C1orf159: variants seen among roughly 807,000 people sequenced by gnomAD.
The protein encoded by C1orf159 is uncharacterized protein C1orf159.
A neutral mutation model predicts 25.6 loss-of-function variants in C1orf159; 19 were observed. The ratio of observed to expected loss-of-function variants is 0.74; its 90% CI spans 0.52 to 1.09. The LOEUF (loss-of-function observed/expected upper bound fraction) is 1.09. Among genes scored for constraint, C1orf159 ranks in the 50% least tolerant of loss-of-function variants. The pLI is 0.00. For missense variants in C1orf159, 274 were observed against 290.6 expected (o/e 0.94, Z 0.42); for synonymous variants, 139 against 124.7 (o/e 1.12, Z -0.77).
In C1orf159 at chr1:1,085,874, A is replaced by G. The variant is rs777807019; in HGVS notation, c.445+4T>C. 2 of 1,612,908 alleles carry G rather than the reference A, an allele frequency of 1.2e-6. No individual in the cohort carries two copies. Among genetic ancestry groups the G allele is most frequent in the Middle Eastern group, 3.3e-4 (2 of 6,062 alleles). ...CGTGGGGCAGGTGCTGGTCCGGGAG[A>G]TACCTTTGTTTCTTCTGTAGCAGGC... is the stretch of plus-strand genomic sequence containing the variant. On this transcript the variant is annotated splice_donor_region_variant and intron_variant, in intron 7 of 9. Coordinates refer to ENST00000421241, the MANE Select transcript of C1orf159 (RefSeq NM_017891.5).
intron 1 of C1orf159, among the ~76,000 whole-genome samples, chr1:1,107,577 A>G (rs1339412571): frequency 1.3e-5 from 2 of 152,234 alleles, no homozygotes; most frequent in East Asian, 1.9e-4. Flanking sequence ...TGTCTAGCTC[A>G]GGGATCGTAA....
At chr1:1,099,689 A>G (rs796368430) in intron 1 of C1orf159, among the ~76,000 whole-genome samples, 489 of 102,180 alleles carry the variant, frequency 4.8e-3, no homozygotes, top group African/African-American at 0.017. Context: ...TTTTTGGTCT[A>G]TTGTTCTAAG....
chr1:1,098,729 A>G (rs1646045585), intron 1 of C1orf159, among the ~76,000 whole-genome samples: 4 of 152,108 alleles, frequency 2.6e-5, no homozygotes, highest in Admixed American at 2.6e-4. Flanking sequence ...CTCCTGCCTC[A>G]GCCTCCCGAG....
chr1:1,109,073 T>C (rs59874217), intron 1 of C1orf159, among the ~76,000 whole-genome samples: 1 of 147,182 alleles, frequency 6.8e-6, no homozygotes, highest in Non-Finnish European at 1.5e-5. Context: ...TCGGCACCGT[T>C]CACCACAGCC....
At chr1:1,099,394 T>C (rs1008937745) in intron 1 of C1orf159, among the ~76,000 whole-genome samples, 1 of 98,342 alleles carries the variant, frequency 1.0e-5, no homozygotes. Flanking sequence ...ATTCTAAGAA[T>C]TGGAGAGAGA....
At chr1:1,093,884 G>A (rs1274316146) in intron 1 of C1orf159, among the ~76,000 whole-genome samples, 1 of 152,232 alleles carries the variant, frequency 6.6e-6, no homozygotes, top group East Asian at 1.9e-4. Flanking sequence ...TGGCTGTGCT[G>A]TATACCCTCC....
At chr1:1,100,420 T>A (rs1462104813) in intron 1 of C1orf159, among the ~76,000 whole-genome samples, 5 of 152,088 alleles carry the variant, frequency 3.3e-5, no homozygotes, top group African/African-American at 1.2e-4. Flanking sequence ...GAGTTGTGCC[T>A]CCCCGCTGTG....
chr1:1,108,598 C>T (rs1381125999), intron 1 of C1orf159, among the ~76,000 whole-genome samples: 7 of 137,358 alleles, frequency 5.1e-5, no homozygotes, highest in Admixed American at 3.0e-4. Context: ...CACCATGTCT[C>T]GGCACCGTTC....
In C1orf159 at chr1:1,087,855, C is replaced by T. The variant is rs1478718890; in HGVS notation, c.149-258G>A. Among the ~76,000 whole-genome samples the T allele has an allele frequency of 2.0e-5, 3 of 150,988 alleles. No homozygotes were observed. The highest frequency in any genetic ancestry group is 4.9e-5 in the African/African-American group (2 of 40,992). On this transcript the variant is annotated intron_variant, in intron 4 of 9. Coordinates refer to ENST00000421241, the MANE Select transcript of C1orf159 (RefSeq NM_017891.5). The surrounding 1 kb of genome is among the most constrained non-coding windows in gnomAD (Gnocchi z 8.3). Reference sequence around the variant, plus strand: ...CAAGTACTCCACGCTGCACTCTCCACGCCGAGCACCCCGGCCCCGAGTACT... The same window carrying T: ...CAAGTACTCCACGCTGCACTCTCCATGCCGAGCACCCCGGCCCCGAGTACT...
Position 1,087,440 on chromosome 1 carries a change from C to T in C1orf159, c.244+62G>A, listed in dbSNP as rs1216507754. ...AAGGTGGGGACACAGACAGCAACTC[C>T]CACAGTGTCTCCCACAGCTGGAGCT... On this transcript the variant is annotated intron_variant, in intron 5 of 9. Coordinates refer to ENST00000421241, the MANE Select transcript of C1orf159 (RefSeq NM_017891.5). The surrounding 1 kb of genome is among the most constrained non-coding windows in gnomAD (Gnocchi z 8.3). The T allele has an allele frequency of 1.4e-6, 2 of 1,450,356 alleles. No individual in the cohort carries two copies. The highest frequency in any genetic ancestry group is 1.9e-6 in the Non-Finnish European group (2 of 1,065,222). The allele number at this position is 1,450,356 out of a possible 1,614,324, so 89.8% of individuals were successfully genotyped here. A position where few individuals can be genotyped will look rare whatever the true frequency, so the allele number is the denominator to read the frequency against.
chr1:1,113,306 C>T (rs1646287259), intron 1 of C1orf159, among the ~76,000 whole-genome samples: 1 of 152,170 alleles, frequency 6.6e-6, no homozygotes, highest in Non-Finnish European at 1.5e-5. Context: ...TACTTTGGTG[C>T]TGAAACTCAG....
intron 1 of C1orf159, among the ~76,000 whole-genome samples, chr1:1,113,088 C>T (rs994875234): frequency 6.6e-6 from 1 of 151,348 alleles, no homozygotes; most frequent in African/African-American, 2.4e-5. Context: ...CCCAGCTACT[C>T]GGGAGGCTGA....
chr1:1,115,861 C>CT (rs1646332845), intron 1 of C1orf159, among the ~76,000 whole-genome samples, 199 bp downstream of exon 1: 1 of 148,720 alleles, frequency 6.7e-6, no homozygotes, highest in Non-Finnish European at 1.5e-5. Context: ...TGGGAGGCGG[C>CT]GACGAGGACG....
intron 1 of C1orf159, among the ~76,000 whole-genome samples, chr1:1,105,459 T>A (rs1215201721): frequency 6.6e-6 from 1 of 151,766 alleles, no homozygotes; most frequent in Non-Finnish European, 1.5e-5. Context: ...TGAGCCGAGA[T>A]CGCGCCACCA....
In C1orf159 at chr1:1,090,319, C is replaced by T. The variant is rs538867273; in HGVS notation, c.148+34G>A. 260 of 1,548,166 alleles carry T rather than the reference C, an allele frequency of 1.7e-4. 2 individuals carry two copies. The highest frequency in any genetic ancestry group is 1.5e-3 in the South Asian group (130 of 84,024). ...ACACACACACCAGTGGCTCAGGGGC[C>T]GGTCTGGAATCTGCTTGGGACAAAG... On this transcript the variant is annotated intron_variant, in intron 4 of 9. Transcript: ENST00000421241.
intron 1 of C1orf159, among the ~76,000 whole-genome samples, chr1:1,100,953 T>C (rs1271141565): frequency 1.6e-4 from 24 of 152,230 alleles, no homozygotes; most frequent in Admixed American, 1.6e-3. Flanking sequence ...AGAGATGTTT[T>C]AATTTTTCCC....
Position 1,087,841 on chromosome 1 carries a change from C to A in C1orf159, c.149-244G>T, listed in dbSNP as rs1172074080. ...GAGTACTCCGACCCCAAGTACTCCA[C>A]GCTGCACTCTCCACGCCGAGCACCC... On this transcript the variant is annotated intron_variant, in intron 4 of 9. Transcript: ENST00000421241. The surrounding 1 kb of genome is among the most constrained non-coding windows in gnomAD (Gnocchi z 8.3). Among the ~76,000 whole-genome samples, 3 of 150,582 alleles carry A rather than the reference C, an allele frequency of 2.0e-5. No homozygotes were observed. The highest frequency in any genetic ancestry group is 2.0e-4 in the Admixed American group (3 of 15,186).
rs1330192782 is a variant in C1orf159, at chr1:1,110,660, C to A, written c.-136+5400G>T. Among the ~76,000 whole-genome samples, 2 of 151,504 alleles carry A rather than the reference C, an allele frequency of 1.3e-5. No homozygotes were observed. Among genetic ancestry groups the A allele is most frequent in the Non-Finnish European group, 2.9e-5 (2 of 68,024 alleles). On this transcript the variant is annotated intron_variant, in intron 1 of 9. Coordinates refer to ENST00000421241, the MANE Select transcript of C1orf159 (RefSeq NM_017891.5). The surrounding 1 kb of genome is among the most constrained non-coding windows in gnomAD (Gnocchi z 4.8). Reference sequence around the variant, plus strand: ...ACTTCCACACCTGGGATGCAGCCTTCCCCCCGGGCACGTTCCCAAGAGAAA... The same window carrying A: ...ACTTCCACACCTGGGATGCAGCCTTACCCCCGGGCACGTTCCCAAGAGAAA...
intron 2 of C1orf159, 135 bp downstream of exon 2, chr1:1,091,856 T>A (rs997481846): frequency 1.5e-4 from 65 of 443,204 alleles, no homozygotes; most frequent in Non-Finnish European, 2.4e-4. Flanking sequence ...CTGAGTTAAA[T>A]GGAGATGGGG....
Sources: allele counts gnomAD v4.1 joint callset (sites outside exome capture counted in the v4.1 genomes callset), GRCh38; gene constraint gnomAD v4.1.1; non-coding constraint Gnocchi (gnomAD v3.1); transcripts MANE v1.5; gene names NCBI Gene and HGNC (gene_info 2026-07-23, HGNC 2026-07-21).